The following CYRIB variants were observed in gnomAD, a reference collection of about 807,000 sequenced individuals.
CYRIB encodes CYFIP related Rac1 interactor B.
In CYRIB, 8 loss-of-function variants were observed where a neutral mutation model predicts 44.2. That is an observed-to-expected ratio of 0.18 (90% CI 0.11 to 0.33). CYRIB has a LOEUF of 0.33. Ranked by LOEUF, CYRIB falls within the 10% of genes least tolerant of loss-of-function variation. The pLI is 1.00. For missense variants in CYRIB, 185 were observed against 382.8 expected (o/e 0.48, Z 4.31); for synonymous variants, 131 against 127.2 (o/e 1.03, Z -0.20).
intron 1 of CYRIB, among the ~76,000 whole-genome samples, chr8:129,928,219 G>A (rs889853901): frequency 2.6e-5 from 4 of 151,244 alleles, no homozygotes; most frequent in African/African-American, 9.7e-5. Context: ...CACGTCTGTA[G>A]CATCAGTTAT....
intron 1 of CYRIB, among the ~76,000 whole-genome samples, chr8:129,916,362 T>C (rs1307320578): frequency 1.3e-5 from 2 of 152,096 alleles, no homozygotes; most frequent in Admixed American, 1.3e-4. Flanking sequence ...GTACCTAATA[T>C]TAGTCAAGCA....
chr8:129,969,202 C>T (rs1367380346), intron 2 of CYRIB, among the ~76,000 whole-genome samples: 1 of 152,046 alleles, frequency 6.6e-6, no homozygotes, highest in Non-Finnish European at 1.5e-5. Flanking sequence ...TCAGTAGAGA[C>T]AGGCCTTCGC....
intron 2 of CYRIB, among the ~76,000 whole-genome samples, chr8:129,961,261 T>TAACCCTGTTCAGCAGA (rs2095247279): frequency 3.3e-5 from 5 of 152,330 alleles, no homozygotes; most frequent in Middle Eastern, 3.4e-3. Context: ...CAGCTAACCC[T>TAACCCTGTTCAGCAGA]ACTTCATTCC....
At chr8:129,951,705 CAAA>C (rs35141996) in intron 2 of CYRIB, among the ~76,000 whole-genome samples, 1 of 144,916 alleles carries the variant, frequency 6.9e-6, no homozygotes. Flanking sequence ...GACTCCATCT[CAAA>C]AAAAAAAAAG....
intron 1 of CYRIB, among the ~76,000 whole-genome samples, chr8:129,973,204 C>T (rs559752960): frequency 4.6e-5 from 7 of 152,306 alleles, no homozygotes; most frequent in African/African-American, 1.4e-4. Flanking sequence ...ATTTAATTAA[C>T]TCAGCAGGGG....
intron 1 of CYRIB, among the ~76,000 whole-genome samples, chr8:129,930,365 T>TTTTATATATATATATATACATATATA (rs369665802): frequency 2.0e-5 from 1 of 50,438 alleles, no homozygotes; most frequent in East Asian, 5.1e-4. Flanking sequence ...TGTGAAGTGC[T>TTTTATATATATATATATACATATATA]TATATATATA....
chr8:129,876,158 C>A (rs298610), intron 3 of CYRIB, among the ~76,000 whole-genome samples: 84,184 of 151,700 alleles, frequency 0.55, 23,956 homozygotes, highest in African/African-American at 0.68. Flanking sequence ...CAATCTACTC[C>A]CTGCCATTTA....
chr8:129,956,963 C>T (rs1452552423), intron 2 of CYRIB, among the ~76,000 whole-genome samples: 1 of 151,818 alleles, frequency 6.6e-6, no homozygotes, highest in Non-Finnish European at 1.5e-5. Flanking sequence ...CTCAGACTCC[C>T]AAGTAGCTGG....
rs754224724 is a variant in CYRIB, at chr8:129,979,673, C to T, written c.-295-8678G>A. On this transcript the variant is annotated intron_variant, in intron 1 of 14. Coordinates refer to the CYRIB transcript ENST00000401979. ...GCTCAAGCCTGTAATCCCAGCACTTCGGGAGGCCATGGCAAGCAGATCACC... is the reference window on the plus strand; with the variant it reads ...GCTCAAGCCTGTAATCCCAGCACTTTGGGAGGCCATGGCAAGCAGATCACC... 3.3e-5 allele frequency among the ~76,000 whole-genome samples: 5 copies of T among 152,148 alleles called. No homozygotes were observed. The South Asian group carries it at 1.0e-3, about 32-fold the overall frequency.
intron 2 of CYRIB, among the ~76,000 whole-genome samples, chr8:129,899,423 G>C (rs935435224): frequency 4.6e-5 from 7 of 152,162 alleles, no homozygotes; most frequent in Admixed American, 2.6e-4. Context: ...ATGAAATGTT[G>C]AGATCATTAT....
intron 2 of CYRIB, chr8:129,890,544 C>T (rs2064898052): frequency 6.6e-6 from 1 of 152,242 alleles, no homozygotes; most frequent in Non-Finnish European, 1.5e-5. Flanking sequence ...GCACCACCCT[C>T]ATCAAATATT....
At chr8:129,925,730 C>T (rs1416779181) in intron 1 of CYRIB, among the ~76,000 whole-genome samples, 1 of 152,174 alleles carries the variant, frequency 6.6e-6, no homozygotes, top group Non-Finnish European at 1.5e-5. Flanking sequence ...CTGAAAATTT[C>T]CAGGTATGAG....
At chr8:129,863,341 G>A (rs1280170220) in intron 4 of CYRIB, among the ~76,000 whole-genome samples, 1 of 151,968 alleles carries the variant, frequency 6.6e-6, no homozygotes, top group East Asian at 1.9e-4. Context: ...CTTGACCAAT[G>A]TGGTGAAACC....
chr8:129,930,365 T>TTTTATTTATATATATATA (rs369665802), intron 1 of CYRIB, among the ~76,000 whole-genome samples: 1 of 50,438 alleles, frequency 2.0e-5, no homozygotes, highest in Non-Finnish European at 4.0e-5. Flanking sequence ...TGTGAAGTGC[T>TTTTATTTATATATATATA]TATATATATA....
intron 11 of CYRIB, 91 bp downstream of exon 13, chr8:129,846,713 C>T (rs1270802102): frequency 7.6e-6 from 6 of 787,750 alleles, no homozygotes; most frequent in Non-Finnish European, 1.2e-5. Flanking sequence ...TTTTTATATC[C>T]TATTCACACT....
rs181684361 is a variant in CYRIB at position 129,964,676 on chromosome 8, G to A, written c.-243+6267C>T. On this transcript the variant is annotated intron_variant, in intron 2 of 14. Coordinates refer to the CYRIB transcript ENST00000401979. ...AGTCAGGAGGATCACTTGAGCCCAG[G>A]AGTTCAAGACCAGCCTGGGCAAGAT... Among the ~76,000 whole-genome samples, 271 of 152,262 alleles carry A rather than the reference G, an allele frequency of 1.8e-3. 3 individuals carry two copies. Among genetic ancestry groups the A allele is most frequent in the Admixed American group, 0.015 (229 of 15,304 alleles).
At chr8:129,892,209 T>C (rs1309108028) in intron 2 of CYRIB, among the ~76,000 whole-genome samples, 1 of 152,078 alleles carries the variant, frequency 6.6e-6, no homozygotes, top group Non-Finnish European at 1.5e-5. Flanking sequence ...GTACAAAGGC[T>C]CAAGGCAAGT....
At chr8:129,943,464 G>A (rs1386572888), upstream of CYRIB, among the ~76,000 whole-genome samples, 3 of 151,404 alleles carry the variant, frequency 2.0e-5, no homozygotes, top group East Asian at 5.9e-4. Flanking sequence ...ATGGTGGCAC[G>A]CGCCTCTGTA....
intron 1 of CYRIB, among the ~76,000 whole-genome samples, chr8:129,998,119 CAAA>C (rs34658935): frequency 1.7e-4 from 16 of 93,156 alleles, no homozygotes; most frequent in South Asian, 9.3e-4. Context: ...GACTCTGTCT[CAAA>C]AAAAAAAAAA....
Sources: allele counts gnomAD v4.1 joint callset (sites outside exome capture counted in the v4.1 genomes callset), GRCh38; gene constraint gnomAD v4.1.1; transcripts MANE v1.5; gene names NCBI Gene and HGNC (gene_info 2026-07-23, HGNC 2026-07-21).